The following TASP1 variants were observed in gnomAD, a reference collection of about 807,000 sequenced individuals.
The protein encoded by TASP1 is threonine aspartase 1.
Under a neutral mutation model 56.6 loss-of-function variants are expected in TASP1, and 16 were observed. The observed-to-expected ratio is 0.28, with a 90% confidence interval of 0.19 to 0.43. The LOEUF (loss-of-function observed/expected upper bound fraction) is 0.43. Ranked by LOEUF, TASP1 falls within the 20% of genes least tolerant of loss-of-function variation. TASP1 has a pLI of 1.00. For synonymous variants in TASP1, 179 were observed against 184.2 expected (o/e 0.97, Z 0.23); for missense variants, 393 against 511.6 (o/e 0.77, Z 2.24).
At chr20:13,111,421 G>A in the TASP1 span, among the ~76,000 whole-genome samples, 3 of 152,216 alleles carry the variant, frequency 2.0e-5, no homozygotes, top group Non-Finnish European at 4.4e-5. Flanking sequence ...ACTGGCATAT[G>A]GTGGACAGAG....
the TASP1 span, among the ~76,000 whole-genome samples, chr20:13,159,724 G>A: frequency 5.3e-5 from 8 of 151,928 alleles, no homozygotes; most frequent in Admixed American, 1.3e-4. Context: ...TTTTCTGCTT[G>A]GTGTCAAAGA....
At chr20:13,290,891 C>G in the TASP1 span, among the ~76,000 whole-genome samples, 1 of 152,182 alleles carries the variant, frequency 6.6e-6, no homozygotes, top group Non-Finnish European at 1.5e-5. Flanking sequence ...TAGAGTCACA[C>G]AGAAAGCAAG....
intron 10 of TASP1, among the ~76,000 whole-genome samples, chr20:13,485,083 AC>A (rs2043276964): frequency 6.6e-6 from 1 of 152,198 alleles, no homozygotes; most frequent in African/African-American, 2.4e-5. Context: ...TACCTATGTA[AC>A]AAAACTGCAC....
At chr20:13,345,458 G>C in the TASP1 span, among the ~76,000 whole-genome samples, 1 of 152,170 alleles carries the variant, frequency 6.6e-6, no homozygotes. Context: ...CATCCCTCCT[G>C]GAGCCAATCT....
the TASP1 span, among the ~76,000 whole-genome samples, chr20:13,189,685 T>C: frequency 1.3e-5 from 2 of 152,128 alleles, no homozygotes; most frequent in Non-Finnish European, 2.9e-5. Flanking sequence ...GAAAAGGGAA[T>C]GCTTATACAC....
intron 4 of TASP1, among the ~76,000 whole-genome samples, chr20:13,612,491 AACACACAC>A (rs34343791): frequency 1.5e-4 from 21 of 144,098 alleles, no homozygotes; most frequent in South Asian, 2.3e-4. Context: ...ATTTGTAGCA[AACACACAC>A]ACACACACAC....
downstream of TASP1, among the ~76,000 whole-genome samples, chr20:13,385,587 T>C (rs2041157836): frequency 6.6e-6 from 1 of 152,188 alleles, no homozygotes; most frequent in Non-Finnish European, 1.5e-5. Context: ...TGGAGTGGAA[T>C]GTGTTTCAGT....
the TASP1 span, among the ~76,000 whole-genome samples, chr20:13,222,286 AC>A: frequency 2.0e-5 from 3 of 151,864 alleles, no homozygotes; most frequent in Non-Finnish European, 4.4e-5. Flanking sequence ...GAGTAATGTT[AC>A]TCGAGGCTGG....
At chr20:13,143,628 A>G in the TASP1 span, among the ~76,000 whole-genome samples, 16 of 152,126 alleles carry the variant, frequency 1.1e-4, no homozygotes, top group Non-Finnish European at 2.4e-4. Flanking sequence ...CTTCCCCATC[A>G]ATTTTTCCCC....
At chr20:13,344,600 C>T in the TASP1 span, among the ~76,000 whole-genome samples, 1 of 152,268 alleles carries the variant, frequency 6.6e-6, no homozygotes, top group East Asian at 1.9e-4. Context: ...TCAAAGATCT[C>T]CTAGCCTCAT....
At chr20:13,281,711 T>C in the TASP1 span, among the ~76,000 whole-genome samples, 3 of 151,982 alleles carry the variant, frequency 2.0e-5, no homozygotes, top group Non-Finnish European at 2.9e-5. Context: ...GGTTGGAAGA[T>C]AGGAATGGGA....
chr20:13,533,979 C>A, intron 9 of TASP1, 43 bp downstream of exon 9: 1 of 1,570,614 alleles, frequency 6.4e-7, no homozygotes, highest in South Asian at 1.2e-5. Context: ...AAATTCCATG[C>A]TTTACTTTGA....
At chr20:13,331,095 T>C in the TASP1 span, among the ~76,000 whole-genome samples, 1 of 152,178 alleles carries the variant, frequency 6.6e-6, no homozygotes, top group South Asian at 2.1e-4. Context: ...GGAGCTTAGA[T>C]TGAGTTGAGC....
the TASP1 span, among the ~76,000 whole-genome samples, chr20:13,187,810 G>A: frequency 1.4e-5 from 2 of 143,328 alleles, no homozygotes; most frequent in Non-Finnish European, 3.1e-5. Context: ...ACCTAAAGAA[G>A]AACAAGGATA....
the TASP1 span, among the ~76,000 whole-genome samples, chr20:13,223,485 T>A: frequency 1.3e-5 from 2 of 152,206 alleles, no homozygotes; most frequent in Non-Finnish European, 2.9e-5. Context: ...TTAAAAAACT[T>A]GTCAAAGTTC....
the TASP1 span, among the ~76,000 whole-genome samples, chr20:13,127,447 A>G: frequency 6.6e-6 from 1 of 152,150 alleles, no homozygotes; most frequent in African/African-American, 2.4e-5. Context: ...GGACTGTACA[A>G]TCTATGTGCC....
intron 4 of TASP1, among the ~76,000 whole-genome samples, chr20:13,602,414 T>G (rs1305141357): frequency 2.0e-5 from 3 of 151,996 alleles, no homozygotes; most frequent in Non-Finnish European, 4.4e-5. Context: ...ACTAAGAAAA[T>G]CTGAACGAAG....
chr20:13,529,506 A>G (rs1193468401), intron 9 of TASP1, among the ~76,000 whole-genome samples: 1 of 152,214 alleles, frequency 6.6e-6, no homozygotes. Context: ...CTAAATGTCA[A>G]TCAGTGAGGA....
chr20:13,422,430 C>T (rs1476264843), intron 12 of TASP1, among the ~76,000 whole-genome samples: 1 of 151,982 alleles, frequency 6.6e-6, no homozygotes, highest in African/African-American at 2.4e-5. Flanking sequence ...CCATCTTTTC[C>T]ATTGCTGCAT....
Sources: allele counts gnomAD v4.1 joint callset (sites outside exome capture counted in the v4.1 genomes callset), GRCh38; gene constraint gnomAD v4.1.1; transcripts MANE v1.5; gene names NCBI Gene and HGNC (gene_info 2026-07-23, HGNC 2026-07-21).